LDAH: variants seen among roughly 807,000 people sequenced by gnomAD.
LDAH encodes lipid droplet-associated hydrolase.
Under a neutral mutation model 29.6 loss-of-function variants are expected in LDAH, and 26 were observed. The ratio of observed to expected loss-of-function variants is 0.88; its 90% confidence interval spans 0.64 to 1.22. LDAH has a LOEUF of 1.22. Ranked by LOEUF, LDAH falls within the 50% of genes most tolerant of loss-of-function variation. LDAH has a pLI of 0.00. For synonymous variants in LDAH, 117 were observed against 133.0 expected, an observed-to-expected ratio of 0.88 and a Z score of 0.83; for missense variants, 344 against 387.3, an observed-to-expected ratio of 0.89 and a Z score of 0.94.
At chr2:20,705,199 G>A (rs940486674) in intron 5 of LDAH, among the ~76,000 whole-genome samples, 2 of 152,104 alleles carry the variant, frequency 1.3e-5, no homozygotes, top group African/African-American at 2.4e-5. Context: ...AAGCTGAAAG[G>A]GGCTTACCCT....
chr2:20,705,180 T>C (rs1664215233), intron 5 of LDAH, among the ~76,000 whole-genome samples: 1 of 152,248 alleles, frequency 6.6e-6, no homozygotes, highest in Non-Finnish European at 1.5e-5. Flanking sequence ...TGGCTGTATA[T>C]AGAATTTTAA....
Position 20,688,406 on chromosome 2 carries a change from T to C in LDAH, c.787-1312A>G, listed in dbSNP as rs571055960. 3.9e-5 allele frequency among the ~76,000 whole-genome samples: 6 copies of C among 152,248 alleles called. No homozygotes were observed. The South Asian group carries it at 6.2e-4, about 16-fold the overall frequency. On this transcript the variant is annotated intron_variant, in intron 6 of 6. Transcript: ENST00000237822. Reference sequence around the variant, plus strand: ...GAGAGGGATGAGGTCATGGACAGCATCTTCTATGCATGCCAAGGAGGTTGC... The same window carrying C: ...GAGAGGGATGAGGTCATGGACAGCACCTTCTATGCATGCCAAGGAGGTTGC...
chr2:20,747,235 A>T (rs1231227743), intron 4 of LDAH, among the ~76,000 whole-genome samples: 3 of 152,138 alleles, frequency 2.0e-5, no homozygotes, highest in Non-Finnish European at 4.4e-5. Flanking sequence ...GGAGAGCAGC[A>T]ATGGTGCCTA....
At chr2:20,714,180 T>C (rs1293717913) in intron 5 of LDAH, among the ~76,000 whole-genome samples, 2 of 152,170 alleles carry the variant, frequency 1.3e-5, no homozygotes, top group Non-Finnish European at 2.9e-5. Context: ...CAACAAACTG[T>C]CTCTCAGACC....
intron 3 of LDAH, among the ~76,000 whole-genome samples, chr2:20,788,693 C>T (rs546904232): frequency 5.9e-5 from 9 of 151,686 alleles, no homozygotes; most frequent in Non-Finnish European, 1.3e-4. Context: ...ACAGCCACCT[C>T]GATCTCACCT....
chr2:20,702,087 G>C (rs929851510), intron 5 of LDAH, among the ~76,000 whole-genome samples: 6 of 151,358 alleles, frequency 4.0e-5, no homozygotes, highest in Non-Finnish European at 8.8e-5. Context: ...ACAACTAAAA[G>C]GATTATTTAT....
chr2:20,774,407 A>G (rs1669646606), intron 4 of LDAH, among the ~76,000 whole-genome samples: 1 of 152,252 alleles, frequency 6.6e-6, no homozygotes, highest in African/African-American at 2.4e-5. Context: ...ATCAGTGATG[A>G]TGATGATACA....
chr2:20,753,092 TACAGTA>T (rs1668080036), intron 4 of LDAH, among the ~76,000 whole-genome samples: 1 of 152,230 alleles, frequency 6.6e-6, no homozygotes, highest in Non-Finnish European at 1.5e-5. Flanking sequence ...AGTTTCACTG[TACAGTA>T]ACAGCCCATG....
chr2:20,687,567 T>G (rs531732581), intron 6 of LDAH, among the ~76,000 whole-genome samples: 82 of 152,364 alleles, frequency 5.4e-4, no homozygotes, highest in African/African-American at 1.8e-3. Flanking sequence ...CTTTCCAATG[T>G]AGCTGATGAA....
chr2:20,738,054 C>T (rs1666917512), intron 5 of LDAH, among the ~76,000 whole-genome samples: 1 of 151,628 alleles, frequency 6.6e-6, no homozygotes, highest in South Asian at 2.1e-4. Flanking sequence ...GAGTTTGAGA[C>T]CAGCCTGGCC....
At chr2:20,794,859 G>T (rs920334859) in intron 2 of LDAH, among the ~76,000 whole-genome samples, 2 of 152,178 alleles carry the variant, frequency 1.3e-5, no homozygotes, top group Non-Finnish European at 2.9e-5. Context: ...TGAACGCATA[G>T]CAAGTATCAC....
At chr2:20,683,067 T>TATAGAACC (rs1241003188), downstream of LDAH, among the ~76,000 whole-genome samples, 5 of 152,188 alleles carry the variant, frequency 3.3e-5, no homozygotes, top group Non-Finnish European at 7.3e-5. Flanking sequence ...TAGAACCCTT[T>TATAGAACC]ATAGAACCAT....
intron 6 of LDAH, among the ~76,000 whole-genome samples, chr2:20,693,708 C>T (rs1469537187): frequency 6.6e-6 from 1 of 152,252 alleles, no homozygotes; most frequent in Non-Finnish European, 1.5e-5. Flanking sequence ...TGAAGAAAGG[C>T]ACCGACATTC....
intron 1 of LDAH, among the ~76,000 whole-genome samples, chr2:20,822,278 C>T (rs1232734900): frequency 6.6e-6 from 1 of 152,110 alleles, no homozygotes; most frequent in African/African-American, 2.4e-5. Flanking sequence ...GCGCCCGCCA[C>T]CACGCCCGGC....
chr2:20,768,735 T>C (rs1405804233), intron 4 of LDAH, among the ~76,000 whole-genome samples: 6 of 152,208 alleles, frequency 3.9e-5, no homozygotes, highest in African/African-American at 9.6e-5. Flanking sequence ...TTATGGCAAA[T>C]GAAATCATTC....
At chr2:20,779,542 C>A (rs1330144627) in intron 3 of LDAH, among the ~76,000 whole-genome samples, 1 of 151,426 alleles carries the variant, frequency 6.6e-6, no homozygotes, top group Non-Finnish European at 1.5e-5. Flanking sequence ...TGTTGTTCAC[C>A]ATGCTATACA....
chr2:20,701,652 G>T lies in LDAH; in HGVS notation c.704C>A (p.Ala235Asp), dbSNP rs146962521. 1 of 1,612,248 alleles carries T rather than the reference G, an allele frequency of 6.2e-7. No individual in the cohort carries two copies. The highest frequency in any genetic ancestry group is 1.3e-5 in the African/African-American group (1 of 75,002). The change falls in exon 6 of 7, where the codon GCT becomes GAT. Residue 235 changes from alanine (A) to aspartate (D), a missense_variant and splice_region_variant. Coordinates refer to ENST00000237822, the MANE Select transcript of LDAH (RefSeq NM_021925.4). Reference sequence around the variant, plus strand: ...TTGGCCCCCAAGGTAGGCAGCATTAGCTACATTTAAAAAATAAAAAGTCAA... The same window carrying T: ...TTGGCCCCCAAGGTAGGCAGCATTATCTACATTTAAAAAATAAAAAGTCAA... ...PLNILEPFCL[A>D]NAAYLGGQEM...
intron 5 of LDAH, among the ~76,000 whole-genome samples, chr2:20,704,482 T>A (rs755425649): frequency 3.9e-5 from 6 of 152,212 alleles, no homozygotes; most frequent in Non-Finnish European, 7.3e-5. Flanking sequence ...CTATAACCTA[T>A]TAAAAATTAT....
chr2:20,750,956 T>C (rs576659006), intron 4 of LDAH, among the ~76,000 whole-genome samples: 170 of 152,282 alleles, frequency 1.1e-3, no homozygotes, highest in African/African-American at 3.8e-3. Flanking sequence ...AAGTTAAACA[T>C]TGAGCACATA....
Sources: allele counts gnomAD v4.1 joint callset (sites outside exome capture counted in the v4.1 genomes callset), GRCh38; gene constraint gnomAD v4.1.1; transcripts MANE v1.5; gene names NCBI Gene and HGNC (gene_info 2026-07-23, HGNC 2026-07-21).